IL1R2: variants seen among roughly 807,000 people sequenced by gnomAD.
IL1R2 encodes interleukin-1 receptor type 2.
Under a neutral mutation model 39.5 loss-of-function variants are expected in IL1R2, and 46 were observed. That is an observed-to-expected ratio of 1.16 (90% CI 0.92 to 1.49). The LOEUF (loss-of-function observed/expected upper bound fraction) is 1.49. Among genes scored for constraint, IL1R2 ranks in the 40% most tolerant of loss-of-function variants. The pLI is 0.00. For synonymous variants in IL1R2, 207 were observed against 189.6 expected, an observed-to-expected ratio of 1.09 and a Z score of -0.75; for missense variants, 537 against 502.0, an observed-to-expected ratio of 1.07 and a Z score of -0.67.
chr2:101,992,350 CAG>C (rs1457022021), intron 1 of IL1R2, among the ~76,000 whole-genome samples: 1 of 128,022 alleles, frequency 7.8e-6, no homozygotes, highest in South Asian at 2.6e-4. Context: ...CAGAGAGAGA[CAG>C]AGAAAGACAG....
chr2:102,013,794 G>A (rs1207849435), intron 3 of IL1R2, among the ~76,000 whole-genome samples: 1 of 152,102 alleles, frequency 6.6e-6, no homozygotes, highest in Non-Finnish European at 1.5e-5. Context: ...GCTAGAGCAG[G>A]AAGCCTGCTT....
chr2:102,022,836 A>G (rs1342254337), intron 6 of IL1R2, among the ~76,000 whole-genome samples: 1 of 152,268 alleles, frequency 6.6e-6, no homozygotes, highest in South Asian at 2.1e-4. Context: ...ACGTAAGTGT[A>G]CTGTACTAAC....
intron 1 of IL1R2, among the ~76,000 whole-genome samples, chr2:102,005,574 T>C (rs1386858732): frequency 6.6e-6 from 1 of 152,200 alleles, no homozygotes; most frequent in Non-Finnish European, 1.5e-5. Context: ...GAGTGGTCTG[T>C]ACCTTGTAGT....
At chr2:101,997,528 T>G (rs371567580) in intron 1 of IL1R2, among the ~76,000 whole-genome samples, 2 of 152,296 alleles carry the variant, frequency 1.3e-5, no homozygotes, top group South Asian at 2.1e-4. Flanking sequence ...CTTCCCCCAC[T>G]TGGCCTCACT....
In IL1R2 at chr2:102,009,721, G is replaced by C. The variant is rs1285646881; in HGVS notation, c.227G>C (p.Arg76Thr). The change falls in exon 3 of 9, where the codon AGG becomes ACG. Residue 76 changes from arginine to threonine, a missense_variant. Coordinates refer to ENST00000332549, the MANE Select transcript of IL1R2 (RefSeq NM_004633.4). ...ACATGGCATAAAAATGACTCTGCTA[G>C]GACGGTCCCAGGAGAAGAAGAGACA... ...NLTWHKNDSARTVPGEEETRM... is the reference protein window; with the variant it reads ...NLTWHKNDSATTVPGEEETRM... 1 of 1,614,090 alleles carries C rather than the reference G, an allele frequency of 6.2e-7. No homozygotes were observed. Among genetic ancestry groups the C allele is most frequent in the Admixed American group, 1.7e-5 (1 of 60,004 alleles).
intron 1 of IL1R2, among the ~76,000 whole-genome samples, chr2:101,996,719 G>A (rs1675608745): frequency 6.6e-6 from 1 of 151,240 alleles, no homozygotes; most frequent in Admixed American, 6.6e-5. Context: ...TGTATATATA[G>A]TAGTGAGTAT....
In IL1R2 at chr2:101,993,361, T is replaced by G. The variant is rs185894517; in HGVS notation, c.-62+1350T>G. Among the ~76,000 whole-genome samples the G allele has an allele frequency of 1.3e-3, 195 of 152,184 alleles. 2 individuals are homozygous for G. Among genetic ancestry groups the G allele is most frequent in the African/African-American group, 4.5e-3 (188 of 41,524 alleles). On this transcript the variant is annotated intron_variant, in intron 1 of 8. Transcript: ENST00000332549. ...CTGCAAATAGTAAGGTCAAGGGTGA[T>G]GAGGAGTACAGTCGATGAATCCAAG... is the stretch of plus-strand genomic sequence containing the variant.
intron 1 of IL1R2, among the ~76,000 whole-genome samples, chr2:101,998,146 G>A (rs1675680959): frequency 6.6e-6 from 1 of 152,186 alleles, no homozygotes; most frequent in Non-Finnish European, 1.5e-5. Flanking sequence ...AGAGAAAGAG[G>A]AGTTTGAACA....
At chr2:102,010,574 TAAAAAA>T (rs35560069) in intron 3 of IL1R2, among the ~76,000 whole-genome samples, 2 of 126,946 alleles carry the variant, frequency 1.6e-5, no homozygotes, top group South Asian at 5.1e-4. Context: ...AGACTCTGTC[TAAAAAA>T]AAAAAAAAAA....
At chr2:101,998,098 C>A (rs1220632403) in intron 1 of IL1R2, among the ~76,000 whole-genome samples, 3 of 152,280 alleles carry the variant, frequency 2.0e-5, no homozygotes, top group Non-Finnish European at 4.4e-5. Context: ...TGCAATATTA[C>A]CTTCATTGCG....
At chr2:102,007,902 T>A (rs1213697666) in intron 1 of IL1R2, among the ~76,000 whole-genome samples, 1 of 152,198 alleles carries the variant, frequency 6.6e-6, no homozygotes, top group Non-Finnish European at 1.5e-5. Context: ...GCTCTCTGCT[T>A]AGGAACAAAA....
chr2:102,025,324 G>GT (rs761144442), intron 7 of IL1R2, among the ~76,000 whole-genome samples: 12 of 152,172 alleles, frequency 7.9e-5, no homozygotes, highest in Non-Finnish European at 1.5e-4. Context: ...AAATGGTTGT[G>GT]TTTTTTGAAA....
intron 1 of IL1R2, among the ~76,000 whole-genome samples, chr2:101,996,227 C>A (rs953466324): frequency 1.3e-5 from 2 of 152,154 alleles, no homozygotes; most frequent in African/African-American, 4.8e-5. Flanking sequence ...CCAAGCTTCA[C>A]AGAGCTGCTC....
rs571283010 is a variant in IL1R2 at position 102,024,199 on chromosome 2, G to T, written c.752-334G>T. Among the ~76,000 whole-genome samples the T allele has an allele frequency of 1.3e-4, 20 of 152,240 alleles. 1 individual carries two copies. In the South Asian group the frequency reaches 3.7e-3, roughly 28 times the overall value. On this transcript the variant is annotated intron_variant, in intron 6 of 8. Transcript: ENST00000332549. ...AGAGAAAGAATCCACACATTGATCTGGATTTTCTGAGGTAACTGAAGTGAG... is the reference window on the plus strand; with the variant it reads ...AGAGAAAGAATCCACACATTGATCTTGATTTTCTGAGGTAACTGAAGTGAG...
chr2:102,026,358 C>T, intron 8 of IL1R2, 105 bp downstream of exon 8: 1 of 951,218 alleles, frequency 1.1e-6, no homozygotes, highest in Non-Finnish European at 1.5e-6. Flanking sequence ...ATAGAAATTC[C>T]CTTGCATTGT....
At chr2:102,004,512 A>G (rs1480808165) in intron 1 of IL1R2, among the ~76,000 whole-genome samples, 3 of 149,462 alleles carry the variant, frequency 2.0e-5, no homozygotes, top group Non-Finnish European at 4.4e-5. Flanking sequence ...AAAAAAAAAG[A>G]TAGAATTCTA....
Position 102,010,046 on chromosome 2 carries a change from G to C in IL1R2, c.332+220G>C. 1.0e-5 allele frequency: 6 copies of C among 575,056 alleles called. No homozygotes were observed. The South Asian group carries it at 1.3e-4, about 13-fold the overall frequency. 35.6% of individuals were successfully genotyped at this position (575,056 alleles called of 1,614,324 possible). On this transcript the variant is annotated intron_variant, in intron 3 of 8. Transcript: ENST00000332549. ...CAAATGCCACCTCTTTGGAGACAAC[G>C]TCCCTAGCCATTTTAGCTGACACCG...
chr2:102,008,691 T>A (rs756728393), intron 2 of IL1R2, 49 bp downstream of exon 2: 1 of 1,461,682 alleles, frequency 6.8e-7, no homozygotes, highest in Non-Finnish European at 9.6e-7. Flanking sequence ...GTAGCTTCGC[T>A]GGGGAAAGAT....
chr2:102,022,169 T>C lies in IL1R2; in HGVS notation c.689-18T>C, dbSNP rs762532597. ...AAGGCTTTCCTAACGGAATCTCTTT[T>C]CCTTACATCTTTCTCAGAAAAAAAA... On this transcript the variant is annotated intron_variant, in intron 5 of 8. Transcript: ENST00000332549. The C allele has an allele frequency of 6.2e-6, 10 of 1,605,004 alleles. No individual in the cohort carries two copies. Among genetic ancestry groups the C allele is most frequent in the Non-Finnish European group, 8.5e-6 (10 of 1,171,782 alleles).
Sources: gnomAD v4.1 joint callset for allele counts (sites outside exome capture counted in the v4.1 genomes callset) on GRCh38, gnomAD v4.1.1 for gene constraint, MANE v1.5 for transcripts, NCBI Gene and HGNC (gene_info 2026-07-23, HGNC 2026-07-21) for gene names.